Variants in CCN6 observed in about 807,000 individuals in gnomAD.
CCN6 encodes the protein cellular communication network factor 6, also known as CCN family member 6.
CCN6 carries 31 observed loss-of-function variants against 37.4 expected under a neutral mutation model. The observed-to-expected ratio is 0.83, with a 90% CI of 0.62 to 1.12. The LOEUF (loss-of-function observed/expected upper bound fraction) is 1.12. CCN6 is among the 50% of genes most tolerant of loss of function. The pLI, the probability that CCN6 is intolerant of heterozygous loss-of-function variation, is 0.00. For missense variants in CCN6, 369 were observed against 413.8 expected, an observed-to-expected ratio of 0.89 and a Z score of 0.94; for synonymous variants, 137 against 142.1, an observed-to-expected ratio of 0.96 and a Z score of 0.26.
At chr6:112,064,666 T>A in intron 2 of CCN6, 89 bp from the exon 3 acceptor site, 1 of 1,588,402 alleles carries the variant, frequency 6.3e-7, no homozygotes, top group Non-Finnish European at 8.6e-7. Flanking sequence ...ATACAGGAGA[T>A]GATCCGTTTC....
At chr6:112,053,868 G>A (rs1246395365), upstream of CCN6, among the ~76,000 whole-genome samples, 6 of 150,900 alleles carry the variant, frequency 4.0e-5, no homozygotes, top group Non-Finnish European at 5.9e-5. Context: ...CTGTTGGTGG[G>A]GGGGCCAGGC....
chr6:112,068,121 TA>T, intron 3 of CCN6, 83 bp from the exon 4 acceptor site: 1 of 1,157,252 alleles, frequency 8.6e-7, no homozygotes, highest in Non-Finnish European at 1.2e-6. Context: ...TCAGATTTCT[TA>T]AACATTAAAC....
intron 1 of CCN6, among the ~76,000 whole-genome samples, chr6:112,060,602 G>T (rs1554312588): frequency 6.6e-6 from 1 of 152,166 alleles, no homozygotes; most frequent in Admixed American, 6.5e-5. Context: ...GAGATGTTAA[G>T]TAGGCAGTTT....
chr6:112,066,919 A>C (rs1554314083), intron 3 of CCN6: 2 of 1,319,274 alleles, frequency 1.5e-6, no homozygotes, highest in Admixed American at 2.0e-5. Flanking sequence ...CGGTTTAACA[A>C]GTGGGATTAC....
At chr6:112,054,651 T>A (rs1225340015) in intron 1 of CCN6, 1 of 506,216 alleles carries the variant, frequency 2.0e-6, no homozygotes, top group Non-Finnish European at 3.6e-6. Context: ...CCTTTCGCTA[T>A]GTTTGAACAG....
At chr6:112,062,715 A>T (rs1776564259) in intron 2 of CCN6, among the ~76,000 whole-genome samples, 1 of 152,234 alleles carries the variant, frequency 6.6e-6, no homozygotes, top group Non-Finnish European at 1.5e-5. Flanking sequence ...CTGCTTTGCA[A>T]TGGCAGAGTC....
At chr6:112,059,969 T>C in intron 1 of CCN6, 1 of 1,353,450 alleles carries the variant, frequency 7.4e-7, no homozygotes, top group Non-Finnish European at 9.8e-7. Context: ...AGGGCCTCAC[T>C]GAGAAATTTG....
intron 2 of CCN6, among the ~76,000 whole-genome samples, chr6:112,064,203 A>G (rs1400890897): frequency 3.9e-5 from 6 of 152,200 alleles, no homozygotes; most frequent in African/African-American, 1.2e-4. Context: ...TTGACCTTGC[A>G]GATCCCCTAA....
At chr6:112,056,617 G>A (rs587695733) in intron 1 of CCN6, among the ~76,000 whole-genome samples, 22 of 152,266 alleles carry the variant, frequency 1.4e-4, no homozygotes, top group Admixed American at 1.4e-3. Flanking sequence ...CTGGGTTCAA[G>A]CGATTCTCCT....
At chr6:112,054,558 C>A in intron 1 of CCN6, 153 bp downstream of exon 1, 1 of 723,680 alleles carries the variant, frequency 1.4e-6, no homozygotes, top group Non-Finnish European at 2.4e-6. Flanking sequence ...TTTTTCTTTC[C>A]AAATAAAGTT....
chr6:112,069,237 A>C, intron 4 of CCN6, 102 bp from the exon 5 acceptor site: 1 of 1,343,792 alleles, frequency 7.4e-7, no homozygotes, highest in Non-Finnish European at 1.0e-6. Context: ...ACTTTTATTA[A>C]TGCCTCCAAA....
upstream of CCN6, among the ~76,000 whole-genome samples, chr6:112,053,673 C>T (rs1007237495): frequency 2.6e-5 from 4 of 152,000 alleles, no homozygotes; most frequent in Non-Finnish European, 1.5e-5. Flanking sequence ...TGTAGGAGTC[C>T]GCCCCCTGCT....
chr6:112,061,043 GGCCTGGA>G lies in CCN6; in HGVS notation c.103_109del (p.Pro35LysfsTer29). On this transcript the variant is annotated frameshift_variant, in exon 2 of 5. Transcript: ENST00000368666. LOFTEE classifies it high-confidence loss of function. ...CCATTAGATACAACACCTGAAGGAA[GGCCTGGA>G]GAAGTGTCAGATGCACCTCAGCGTA... 1 of 1,614,166 alleles carries G rather than the reference GGCCTGGA, an allele frequency of 6.2e-7. No homozygotes were observed. Among genetic ancestry groups the G allele is most frequent in the Non-Finnish European group, 8.5e-7 (1 of 1,180,032 alleles).
chr6:112,068,931 A>G (rs1776784095), intron 4 of CCN6, among the ~76,000 whole-genome samples: 2 of 152,306 alleles, frequency 1.3e-5, no homozygotes, highest in South Asian at 4.1e-4. Context: ...TCATATTAGC[A>G]AGTTGACAAT....
intron 1 of CCN6, chr6:112,059,967 A>G (rs1554312432): frequency 7.4e-7 from 1 of 1,352,290 alleles, no homozygotes; most frequent in Non-Finnish European, 9.8e-7. Context: ...AGAGGGCCTC[A>G]CTGAGAAATT....
chr6:112,068,979 T>G (rs1001010724), intron 4 of CCN6, among the ~76,000 whole-genome samples: 1 of 152,176 alleles, frequency 6.6e-6, no homozygotes, highest in African/African-American at 2.4e-5. Context: ...TATTCATCTA[T>G]GCATCCACTG....
intron 1 of CCN6, among the ~76,000 whole-genome samples, chr6:112,057,300 T>C (rs186048767): frequency 8.0e-4 from 122 of 152,312 alleles, no homozygotes; most frequent in African/African-American, 2.8e-3. Flanking sequence ...TGATGGGCTT[T>C]AAGGAGAGGA....
intron 3 of CCN6, 140 bp downstream of exon 3, chr6:112,065,137 A>G: frequency 7.4e-7 from 1 of 1,345,692 alleles, no homozygotes; most frequent in African/African-American, 1.4e-5. Flanking sequence ...CATTTTACTT[A>G]ATCTTTGCCT....
Position 112,069,594 on chromosome 6 carries a change from A to G in CCN6, c.1039A>G (p.Ile347Val). 6.2e-7 allele frequency: 1 copy of G among 1,613,748 alleles called. No homozygotes were observed. Among genetic ancestry groups the G allele is most frequent in the Non-Finnish European group, 8.5e-7 (1 of 1,179,790 alleles). Reference protein sequence around the residue: ...CQRNCREPGDIFSELKIL With the variant: ...CQRNCREPGDVFSELKIL ...GAGAAACTGCAGAGAACCTGGAGAT[A>G]TATTTTCTGAGCTCAAGATTCTGTA... Residue 347 changes from isoleucine (I) to valine (V), a missense_variant, in exon 5 of 5, where the codon ATA becomes GTA. Ile to Val is a conservative substitution (Grantham distance 29). Transcript: ENST00000368666.
Sources: allele counts gnomAD v4.1 joint callset (sites outside exome capture counted in the v4.1 genomes callset), GRCh38; gene constraint gnomAD v4.1.1; transcripts MANE v1.5; gene names NCBI Gene and HGNC (gene_info 2026-07-23, HGNC 2026-07-21).